Variants in MMP16 observed in about 807,000 individuals in gnomAD.
MMP16 encodes matrix metallopeptidase 16, also known as matrix metalloproteinase-16.
In MMP16, 12 loss-of-function variants were observed where a neutral mutation model predicts 67.8. The ratio of observed to expected loss-of-function variants is 0.18; its 90% CI spans 0.11 to 0.29. MMP16 has a LOEUF of 0.29. Ranked by LOEUF, MMP16 falls within the 10% of genes least tolerant of loss-of-function variation. MMP16 has a pLI of 1.00. For missense variants in MMP16, 475 were observed against 765.7 expected, an observed-to-expected ratio of 0.62 and a Z score of 4.48; for synonymous variants, 249 against 255.9, an observed-to-expected ratio of 0.97 and a Z score of 0.26.
chr8:88,162,008 GTGC>G (rs1414468808), intron 4 of MMP16, among the ~76,000 whole-genome samples: 1 of 151,998 alleles, frequency 6.6e-6, no homozygotes, highest in East Asian at 1.9e-4. Context: ...GTGTGATGTG[GTGC>G]TGAGAAGAAT....
intron 1 of MMP16, among the ~76,000 whole-genome samples, chr8:88,260,402 C>T (rs1294573407): frequency 6.6e-6 from 1 of 151,944 alleles, no homozygotes; most frequent in East Asian, 1.9e-4. Flanking sequence ...AATTATGCTA[C>T]TTTTTTCACT....
At chr8:88,135,251 T>C (rs1052799059) in intron 4 of MMP16, among the ~76,000 whole-genome samples, 11 of 151,824 alleles carry the variant, frequency 7.2e-5, no homozygotes, top group Non-Finnish European at 1.2e-4. Context: ...GGGAGACTGA[T>C]AAACTCAAAA....
chr8:88,161,591 T>C (rs749704258), intron 4 of MMP16, among the ~76,000 whole-genome samples: 7 of 152,140 alleles, frequency 4.6e-5, no homozygotes, highest in Non-Finnish European at 1.0e-4. Context: ...TGCCTTCTGA[T>C]AGCTTTTGAA....
intron 1 of MMP16, among the ~76,000 whole-genome samples, chr8:88,320,261 T>C (rs1397507404): frequency 1.3e-5 from 2 of 152,188 alleles, no homozygotes; most frequent in East Asian, 3.9e-4. Context: ...ACATTAGAAA[T>C]TAAAATCACT....
intron 1 of MMP16, among the ~76,000 whole-genome samples, chr8:88,305,759 A>C (rs1247300998): frequency 6.6e-6 from 1 of 152,184 alleles, no homozygotes; most frequent in Admixed American, 6.5e-5. Flanking sequence ...GAGACAATGT[A>C]CCAGAATCTC....
intron 1 of MMP16, among the ~76,000 whole-genome samples, chr8:88,208,538 A>G (rs945149651): frequency 6.6e-6 from 1 of 152,146 alleles, no homozygotes; most frequent in Non-Finnish European, 1.5e-5. Flanking sequence ...CAAACACAAC[A>G]TCTTATCAGG....
chr8:88,094,515 C>T (rs1220182016), intron 6 of MMP16, among the ~76,000 whole-genome samples: 2 of 151,510 alleles, frequency 1.3e-5, no homozygotes, highest in African/African-American at 4.8e-5. Context: ...GAAACAGTAT[C>T]TTTCTCCCTT....
At chr8:88,243,877 G>T (rs886188305) in intron 1 of MMP16, among the ~76,000 whole-genome samples, 2 of 152,048 alleles carry the variant, frequency 1.3e-5, no homozygotes, top group African/African-American at 4.8e-5. Context: ...ACAAAGTTCT[G>T]GTTGCCAGAA....
At chr8:88,186,661 T>G (rs1314151631) in intron 2 of MMP16, 63 bp from the exon 3 acceptor site, 1 of 1,490,590 alleles carries the variant, frequency 6.7e-7, no homozygotes, top group Non-Finnish European at 8.9e-7. Context: ...ACAACCCTAA[T>G]CATTAAATTC....
chr8:88,257,032 T>C (rs1362703869), intron 1 of MMP16, among the ~76,000 whole-genome samples: 1 of 152,216 alleles, frequency 6.6e-6, no homozygotes, highest in East Asian at 1.9e-4. Flanking sequence ...CCTCTAGTGT[T>C]TTAAATTCAG....
At chr8:88,169,939 G>C (rs1808773117) in intron 3 of MMP16, among the ~76,000 whole-genome samples, 1 of 152,146 alleles carries the variant, frequency 6.6e-6, no homozygotes, top group African/African-American at 2.4e-5. Context: ...TAAATGTCTT[G>C]AGACATTATG....
At chr8:88,175,780 C>A (rs1241235033) in intron 3 of MMP16, among the ~76,000 whole-genome samples, 1 of 152,092 alleles carries the variant, frequency 6.6e-6, no homozygotes, top group African/African-American at 2.4e-5. Context: ...GGGAGGGACT[C>A]CGTGGGAGGT....
intron 8 of MMP16, among the ~76,000 whole-genome samples, chr8:88,049,062 C>G (rs1276337197): frequency 1.3e-5 from 2 of 152,056 alleles, no homozygotes; most frequent in Non-Finnish European, 2.9e-5. Flanking sequence ...AGAAGTAATG[C>G]CCAAAGAGGA....
At chr8:88,200,560 T>C (rs1809327619) in intron 1 of MMP16, among the ~76,000 whole-genome samples, 1 of 152,024 alleles carries the variant, frequency 6.6e-6, no homozygotes, top group African/African-American at 2.4e-5. Flanking sequence ...CAGAAGACTG[T>C]TGTTCTCTGC....
At chr8:88,121,683 G>C (rs181810450) in intron 4 of MMP16, among the ~76,000 whole-genome samples, 2 of 152,106 alleles carry the variant, frequency 1.3e-5, no homozygotes, top group African/African-American at 2.4e-5. Flanking sequence ...TACAGAAATA[G>C]TACTTGCTTC....
intron 9 of MMP16, among the ~76,000 whole-genome samples, chr8:88,043,874 A>C (rs1808165508): frequency 6.6e-6 from 1 of 152,220 alleles, no homozygotes; most frequent in African/African-American, 2.4e-5. Flanking sequence ...ATAACAGTAC[A>C]TTAGATGATC....
intron 1 of MMP16, among the ~76,000 whole-genome samples, chr8:88,294,290 A>G (rs1185396033): frequency 8.3e-6 from 1 of 119,794 alleles, no homozygotes; most frequent in East Asian, 2.4e-4. Context: ...ACACACACAT[A>G]TATGTATATA....
intron 1 of MMP16, among the ~76,000 whole-genome samples, chr8:88,220,430 T>A (rs1809663194): frequency 6.6e-6 from 1 of 152,156 alleles, no homozygotes; most frequent in African/African-American, 2.4e-5. Context: ...ATTCTGCTGA[T>A]TACATCTCCA....
chr8:88,292,760 C>T (rs1810945734), intron 1 of MMP16, among the ~76,000 whole-genome samples: 1 of 152,006 alleles, frequency 6.6e-6, no homozygotes, highest in Admixed American at 6.6e-5. Context: ...ACCAAATATG[C>T]AACAGAAACA....
Sources: gnomAD v4.1 joint callset for allele counts (sites outside exome capture counted in the v4.1 genomes callset) on GRCh38, gnomAD v4.1.1 for gene constraint, MANE v1.5 for transcripts, NCBI Gene and HGNC (gene_info 2026-07-23, HGNC 2026-07-21) for gene names.